Variants in ARAP1 observed in about 807,000 individuals in gnomAD.
ARAP1 encodes the protein ArfGAP with RhoGAP domain, ankyrin repeat and PH domain 1, also known as arf-GAP with Rho-GAP domain, ANK repeat and PH domain-containing protein 1.
ARAP1 carries 76 observed loss-of-function variants against 172.2 expected under a neutral mutation model. The observed-to-expected ratio is 0.44, with a 90% confidence interval of 0.37 to 0.53. The LOEUF is 0.53. Among genes scored for constraint, ARAP1 ranks in the 20% least tolerant of loss-of-function variants. The pLI is 0.00. For synonymous variants in ARAP1, 804 were observed against 803.3 expected (o/e 1.00, Z -0.01); for missense variants, 1,686 against 1,977.5 (o/e 0.85, Z 2.80).
At chr11:72,745,677 A>C (rs1858345137) in intron 1 of ARAP1, among the ~76,000 whole-genome samples, 1 of 152,052 alleles carries the variant, frequency 6.6e-6, no homozygotes, top group Admixed American at 6.5e-5. Context: ...CCCCGCCAGG[A>C]GCCTGGCCAG....
At chr11:72,731,354 G>A (rs1410401688) in intron 2 of ARAP1, among the ~76,000 whole-genome samples, 1 of 152,200 alleles carries the variant, frequency 6.6e-6, no homozygotes, top group African/African-American at 2.4e-5. Flanking sequence ...CTCATGAATA[G>A]CTTGGTGCCC....
intron 3 of ARAP1, among the ~76,000 whole-genome samples, chr11:72,719,293 A>G (rs1045448421): frequency 8.5e-5 from 13 of 152,310 alleles, no homozygotes; most frequent in African/African-American, 2.9e-4. Context: ...TGTATAAACC[A>G]CAAACACTTC....
chr11:72,697,757 T>C, intron 19 of ARAP1, 108 bp from the exon 20 acceptor site: 1 of 1,539,164 alleles, frequency 6.5e-7, no homozygotes, highest in Non-Finnish European at 8.8e-7. Flanking sequence ...CACCAATGTA[T>C]GGGGTGGCTG....
At chr11:72,697,566 T>C (rs1856269223) in intron 20 of ARAP1, 32 bp downstream of exon 20, 1 of 1,613,810 alleles carries the variant, frequency 6.2e-7, no homozygotes, top group Admixed American at 1.7e-5. Flanking sequence ...GCTCCAGCCT[T>C]CTCAGAGCCC....
intron 33 of ARAP1, among the ~76,000 whole-genome samples, chr11:72,687,105 T>G (rs1305759022): frequency 6.6e-6 from 1 of 152,168 alleles, no homozygotes; most frequent in Admixed American, 6.5e-5. Context: ...CCACATTTCC[T>G]AAGACTCAGA....
intron 3 of ARAP1, among the ~76,000 whole-genome samples, chr11:72,714,885 C>T (rs757970708): frequency 6.6e-6 from 1 of 152,134 alleles, no homozygotes; most frequent in Non-Finnish European, 1.5e-5. Flanking sequence ...CTGATCCCAC[C>T]AGACCCATCT....
rs1349137820 is a variant in ARAP1, at chr11:72,726,915, C to A, written c.214G>T (p.Ala72Ser). The stretch of plus-strand genomic sequence containing the variant: ...CGTGGGGTGGGGCGGGGTGCAGGGG[C>A]CGGTGAGGTATGGGCACGGAGCAGG... ...AGLLRAHTSP[A>S]PAPRPTPRPV... is the part of the protein sequence containing the mutation. The change falls in exon 3 of 35, where the codon GCC (alanine) becomes TCC (serine). Residue 72 changes from alanine to serine, a missense_variant. Coordinates refer to ENST00000393609, the MANE Select transcript of ARAP1 (RefSeq NM_001040118.3). The surrounding 1 kb of genome is among the most constrained non-coding windows in gnomAD (Gnocchi z 6.5). 2.5e-6 allele frequency: 4 copies of A among 1,588,622 alleles called. No individual in the cohort carries two copies. The Admixed American group carries it at 7.1e-5, about 28-fold the overall frequency.
At chr11:72,720,615 C>T (rs1194109714) in intron 3 of ARAP1, among the ~76,000 whole-genome samples, 1 of 152,170 alleles carries the variant, frequency 6.6e-6, no homozygotes, top group Non-Finnish European at 1.5e-5. Flanking sequence ...TGCAGCTCCC[C>T]AAACTCTCCA....
In ARAP1 at chr11:72,711,449, C is replaced by A. The variant is rs34976830; in HGVS notation, c.1073G>T (p.Arg358Leu). ...CCTCACCTTGTTACTGTCAAAGTAT[C>A]GCAGGTGATCAGTATCCAGTCTCAC... ...RWVRLDTDHLRYFDSNKDAYS... is the reference protein window; with the variant it reads ...RWVRLDTDHLLYFDSNKDAYS... Residue 358 changes from arginine to leucine, a missense_variant, in exon 8 of 35, where the codon CGA becomes CTA. This residue lies in a region of ARAP1 where 688 missense variants were observed against 856.9 expected (regional missense o/e 0.80). Coordinates refer to ENST00000393609, the MANE Select transcript of ARAP1 (RefSeq NM_001040118.3). 1 of 1,612,642 alleles carries A rather than the reference C, an allele frequency of 6.2e-7. No homozygotes were observed. Among genetic ancestry groups the A allele is most frequent in the Non-Finnish European group, 8.5e-7 (1 of 1,178,898 alleles).
rs200564847 is a variant in ARAP1, at chr11:72,704,383, C to T, written c.1810-49G>A. 4,293 of 1,493,130 alleles carry T rather than the reference C, an allele frequency of 2.9e-3. 33 individuals are homozygous for T. Among genetic ancestry groups the T allele is most frequent in the Non-Finnish European group, 2.2e-3 (2,417 of 1,122,872 alleles). 92.5% of individuals were successfully genotyped at this position (1,493,130 alleles called of 1,614,324 possible). On this transcript the variant is annotated intron_variant, in intron 13 of 34. Coordinates refer to ENST00000393609, the MANE Select transcript of ARAP1 (RefSeq NM_001040118.3). The stretch of plus-strand genomic sequence containing the variant: ...GACGGGCCAGCTGACAGCCAGGGGC[C>T]GTGCCGGGCAGAAACTTGGTTTCTG...
At position 72,687,161 on chromosome 11, in the gene ARAP1, T is replaced by C. The variant is rs1855726384; in HGVS notation, c.4185+278A>G. ...CACCACAGCACTGATCACACTGGGCTATAACTGGCCACTTCTGAGTCTGTT... is the reference window on the plus strand; with the variant it reads ...CACCACAGCACTGATCACACTGGGCCATAACTGGCCACTTCTGAGTCTGTT... On this transcript the variant is annotated intron_variant, in intron 33 of 34. Coordinates refer to ENST00000393609, the MANE Select transcript of ARAP1 (RefSeq NM_001040118.3). 13 of 505,944 alleles carry C rather than the reference T, an allele frequency of 2.6e-5. No homozygotes were observed. The East Asian group carries it at 4.7e-4, about 18-fold the overall frequency. 31.3% of individuals were successfully genotyped at this position (505,944 alleles called of 1,614,324 possible). A position where few individuals can be genotyped will look rare whatever the true frequency, so the allele number is the denominator to read the frequency against.
intron 16 of ARAP1, among the ~76,000 whole-genome samples, chr11:72,700,809 A>C (rs564693142): frequency 6.6e-5 from 10 of 152,272 alleles, no homozygotes; most frequent in African/African-American, 2.4e-4. Flanking sequence ...TTTGAGACCA[A>C]CCTGACCAAC....
intron 1 of ARAP1, among the ~76,000 whole-genome samples, chr11:72,735,476 A>G (rs1857993160): frequency 6.6e-6 from 1 of 152,060 alleles, no homozygotes; most frequent in Non-Finnish European, 1.5e-5. Context: ...GGTGCCTGTA[A>G]TCCCAGCTAC....
intron 1 of ARAP1, among the ~76,000 whole-genome samples, chr11:72,751,410 G>A (rs1244449945): frequency 6.6e-6 from 1 of 152,078 alleles, no homozygotes; most frequent in Non-Finnish European, 1.5e-5. Flanking sequence ...CCTGGGGCCT[G>A]CACCTGTCCA....
chr11:72,711,314 G>T, intron 8 of ARAP1, 116 bp downstream of exon 8: 1 of 1,473,834 alleles, frequency 6.8e-7, no homozygotes, highest in Non-Finnish European at 9.3e-7. Flanking sequence ...ATGGGTTAAG[G>T]GGTCAGACTT....
Position 72,688,462 on chromosome 11 carries a change from G to A in ARAP1, c.4063C>T (p.Pro1355Ser), listed in dbSNP as rs973245114. 6.2e-7 allele frequency: 1 copy of A among 1,611,690 alleles called. No homozygotes were observed. Among genetic ancestry groups the A allele is most frequent in the Non-Finnish European group, 8.5e-7 (1 of 1,178,920 alleles). The change falls in exon 31 of 35, where the codon CCC (proline) becomes TCC (serine). Residue 1355 changes from proline (P) to serine (S), a missense_variant. Around this residue, in one of 5 missense-constraint regions of ARAP1, gnomAD observed 379 missense variants for 500.1 expected, o/e 0.76. Transcript: ENST00000393609. ...TGCCCAGTCCCAGCTTACCAGGTGG[G>A]TGGCCTGAGTTTCTTCTTCACTCCC... is the stretch of plus-strand genomic sequence containing the variant. ...YLGVKKKLRP[P>S]TCWGFTVVHE...
intron 7 of ARAP1, 44 bp downstream of exon 7, chr11:72,712,151 AC>A: frequency 9.0e-6 from 13 of 1,451,338 alleles, no homozygotes; most frequent in East Asian, 4.7e-5. Context: ...ACTGCCCCCC[AC>A]CCCCCCATGC....
chr11:72,697,399 CG>C lies in ARAP1; in HGVS notation c.2876del (p.Thr959SerfsTer14). On this transcript the variant is annotated frameshift_variant, in exon 21 of 35. Coordinates refer to ENST00000393609, the MANE Select transcript of ARAP1 (RefSeq NM_001040118.3). LOFTEE classifies it high-confidence loss of function. ...IQKAAASMGDTLSEQQLGDSD... is the reference protein window; with the variant it reads ...IQKAAASMGDXLSEQQLGDSD... ...AGTCCCCAAGCTGCTGCTCCGACAG[CG>C]TGTCCCCCATGCTGGCGGCTGCTTT... The C allele has an allele frequency of 6.2e-7, 1 of 1,611,896 alleles. No homozygotes were observed. The highest frequency in any genetic ancestry group is 8.5e-7 in the Non-Finnish European group (1 of 1,179,240).
At chr11:72,737,494 C>T (rs779059867) in intron 1 of ARAP1, among the ~76,000 whole-genome samples, 6 of 152,134 alleles carry the variant, frequency 3.9e-5, no homozygotes, top group African/African-American at 9.7e-5. Flanking sequence ...CCTGTTTCAC[C>T]GGCCCAGCAA....
Sources: gnomAD v4.1 joint callset for allele counts (sites outside exome capture counted in the v4.1 genomes callset) on GRCh38, gnomAD v4.1.1 for gene constraint, gnomAD v4.1.1 regional missense constraint, Gnocchi (gnomAD v3.1) non-coding constraint, MANE v1.5 for transcripts, NCBI Gene and HGNC (gene_info 2026-07-23, HGNC 2026-07-21) for gene names.